TTC6: variants seen among roughly 807,000 people sequenced by gnomAD.
The protein encoded by TTC6 is tetratricopeptide repeat domain 6, also known as tetratricopeptide repeat protein 6.
TTC6 carries 172 observed loss-of-function variants against 210.4 expected under a neutral mutation model. The ratio of observed to expected loss-of-function variants is 0.82; its 90% confidence interval spans 0.72 to 0.93. The LOEUF (loss-of-function observed/expected upper bound fraction) is 0.93, where lower values mean the gene tolerates loss of function less well. TTC6 is among the 40% of genes least tolerant of loss of function. The probability of loss-of-function intolerance (pLI) is 0.00; values close to 1 mark genes in which losing one functional copy is unlikely to be tolerated. For synonymous variants in TTC6, 804 were observed against 819.6 expected (o/e 0.98, Z 0.32); for missense variants, 2,414 against 2,318.1 (o/e 1.04, Z -0.85).
chr14:37,725,140 A>G (rs1423335720), intron 7 of TTC6, 138 bp downstream of exon 9: 1 of 482,260 alleles, frequency 2.1e-6, no homozygotes, highest in Non-Finnish European at 3.6e-6. Flanking sequence ...GATTAATTGG[A>G]TGTCACTACA....
rs1409747680 is a variant in TTC6, at chr14:37,822,332, A to G, written c.4764-1415A>G. Among the ~76,000 whole-genome samples, 10 of 152,210 alleles carry G rather than the reference A, an allele frequency of 6.6e-5. 1 individual carries two copies. The highest frequency in any genetic ancestry group is 5.9e-4 in the Admixed American group (9 of 15,276). On this transcript the variant is annotated intron_variant, in intron 26 of 30. Coordinates refer to ENST00000553443, the Ensembl canonical transcript of TTC6. Reference sequence around the variant, plus strand: ...GTAGGTGGAACCTGGGGCAACTTTCATGAAGGAAGGGGTAGTTTGGGAATC... The same window carrying G: ...GTAGGTGGAACCTGGGGCAACTTTCGTGAAGGAAGGGGTAGTTTGGGAATC...
chr14:37,770,232 C>G (rs1254976435), intron 14 of TTC6, among the ~76,000 whole-genome samples: 1 of 152,040 alleles, frequency 6.6e-6, no homozygotes, highest in Non-Finnish European at 1.5e-5. Flanking sequence ...ACTATGTGGT[C>G]AGTTTTGGAA....
At chr14:37,601,770 T>C (rs2095616046) in intron 1 of TTC6, among the ~76,000 whole-genome samples, 1 of 152,186 alleles carries the variant, frequency 6.6e-6, no homozygotes, top group African/African-American at 2.4e-5. Context: ...CACCTGGACG[T>C]GGGCAGAATC....
At chr14:37,765,068 C>T (rs1036036531) in intron 14 of TTC6, among the ~76,000 whole-genome samples, 4 of 151,816 alleles carry the variant, frequency 2.6e-5, no homozygotes, top group Admixed American at 6.6e-5. Flanking sequence ...GAATTAATAT[C>T]AACTTAGTTT....
rs190652418 is a variant in TTC6 at position 37,667,781 on chromosome 14, C to T, written c.940-12370C>T. On this transcript the variant is annotated intron_variant, in intron 1 of 30. Coordinates refer to ENST00000553443, the Ensembl canonical transcript of TTC6. The stretch of plus-strand genomic sequence containing the variant: ...TTGGATCCTTACAGTGTCTTCACGA[C>T]CAACTTTCAGTTTTTACCTCCACTA... 5.6e-4 allele frequency among the ~76,000 whole-genome samples: 84 copies of T among 150,796 alleles called. 3 individuals carry two copies. Among genetic ancestry groups the T allele is most frequent in the African/African-American group, 1.9e-3 (80 of 41,476 alleles).
At chr14:37,725,310 G>GTATATATA (rs1191022370) in intron 7 of TTC6, among the ~76,000 whole-genome samples, 3 of 55,714 alleles carry the variant, frequency 5.4e-5, no homozygotes, top group Non-Finnish European at 7.5e-5. Context: ...GTGTGTGTGT[G>GTATATATA]TGTATATATA....
rs1195942082 is a variant in TTC6 at position 37,776,136 on chromosome 14, C to T, written c.3267-11332C>T. Among the ~76,000 whole-genome samples the T allele has an allele frequency of 1.7e-4, 4 of 23,586 alleles. 2 individuals carry two copies. Among genetic ancestry groups the T allele is most frequent in the African/African-American group, 2.5e-4 (2 of 8,132 alleles). 15.5% of individuals were successfully genotyped at this position (23,586 alleles called of 152,430 possible). ...CGCAATCTCGGCTCACTGCAAGCTC[C>T]GATTCCCGGGTTCACGCCATTCTCC... is the stretch of plus-strand genomic sequence containing the variant. On this transcript the variant is annotated intron_variant, in intron 14 of 30. Coordinates refer to ENST00000553443, the Ensembl canonical transcript of TTC6.
intron 6 of TTC6, among the ~76,000 whole-genome samples, chr14:37,715,007 G>T (rs915680407): frequency 6.6e-6 from 1 of 152,030 alleles, no homozygotes; most frequent in African/African-American, 2.4e-5. Flanking sequence ...ACGAGACCTC[G>T]TATCTAAAAA....
intron 16 of TTC6, among the ~76,000 whole-genome samples, chr14:37,791,818 A>G (rs1009022141): frequency 6.6e-6 from 1 of 152,190 alleles, no homozygotes; most frequent in Non-Finnish European, 1.5e-5. Context: ...TATTTGATAC[A>G]GAAAAGCTGT....
At chr14:37,720,506 C>A (rs2095859673) in intron 6 of TTC6, 1 of 151,322 alleles carries the variant, frequency 6.6e-6, no homozygotes, top group Admixed American at 6.6e-5. Context: ...CAGCCTTGAA[C>A]CATTGCTCAG....
At chr14:37,828,955 A>T (rs1245329568) in intron 29 of TTC6, among the ~76,000 whole-genome samples, 1 of 151,952 alleles carries the variant, frequency 6.6e-6, no homozygotes, top group African/African-American at 2.4e-5. Flanking sequence ...CTGCTACATT[A>T]TTTCATGTAT....
intron 21 of TTC6, 124 bp from the exon 24 acceptor site, chr14:37,806,237 T>C (rs1383087192): frequency 2.4e-5 from 24 of 1,018,896 alleles, no homozygotes; most frequent in Non-Finnish European, 3.3e-5. Flanking sequence ...GAGAAATGTA[T>C]TTAAAATAAT....
At chr14:37,648,116 A>G (rs1045067655) in intron 1 of TTC6, among the ~76,000 whole-genome samples, 2 of 152,156 alleles carry the variant, frequency 1.3e-5, no homozygotes, top group Non-Finnish European at 2.9e-5. Flanking sequence ...TTATTACCAT[A>G]TTGGTTTAAA....
rs556809415 is a variant in TTC6 at position 37,659,114 on chromosome 14, AT to A, written c.940-21028del. Among the ~76,000 whole-genome samples the A allele has an allele frequency of 4.0e-3, 612 of 151,218 alleles. 10 individuals are homozygous for A. The highest frequency in any genetic ancestry group is 0.027 in the East Asian group (136 of 5,124). ...CTCCCACAAAAGACATGATCTTATT[AT>A]TTTTTTTTATGGCTGCATAGTATTT... is the stretch of plus-strand genomic sequence containing the variant. On this transcript the variant is annotated intron_variant, in intron 1 of 30. Transcript: ENST00000553443.
chr14:37,629,589 A>T (rs1006994031), intron 1 of TTC6, among the ~76,000 whole-genome samples: 1 of 152,166 alleles, frequency 6.6e-6, no homozygotes. Context: ...CTATTTGAAC[A>T]CACTTTATTT....
intron 8 of TTC6, among the ~76,000 whole-genome samples, chr14:37,737,028 G>A (rs987237340): frequency 6.6e-6 from 1 of 152,146 alleles, no homozygotes. Context: ...AAACTGTTGG[G>A]ATTGCAGGTG....
At chr14:37,839,746 G>T (rs1028318694) in intron 29 of TTC6, among the ~76,000 whole-genome samples, 1 of 152,096 alleles carries the variant, frequency 6.6e-6, no homozygotes, top group African/African-American at 2.4e-5. Context: ...GTATGGTATC[G>T]CCTAGGTTTT....
chr14:37,700,827 G>A (rs1566897296), intron 4 of TTC6, among the ~76,000 whole-genome samples: 1 of 144,950 alleles, frequency 6.9e-6, no homozygotes, highest in Non-Finnish European at 1.5e-5. Context: ...AGAGATACAA[G>A]TCCAAGCAGA....
At chr14:37,605,418 A>T (rs2095623346) in intron 1 of TTC6, among the ~76,000 whole-genome samples, 1 of 152,224 alleles carries the variant, frequency 6.6e-6, no homozygotes, top group South Asian at 2.1e-4. Flanking sequence ...TGGAAAACAG[A>T]AAAACAACAC....
Sources: allele counts gnomAD v4.1 joint callset (sites outside exome capture counted in the v4.1 genomes callset), GRCh38; gene constraint gnomAD v4.1.1; transcripts MANE v1.5; gene names NCBI Gene and HGNC (gene_info 2026-07-23, HGNC 2026-07-21).